TRA2A: variants seen among roughly 807,000 people sequenced by gnomAD.
TRA2A encodes the protein transformer 2 alpha homolog.
In TRA2A, 31 loss-of-function variants were observed where a neutral mutation model predicts 45.7. That is an observed-to-expected ratio of 0.68 (90% CI 0.51 to 0.92). The LOEUF is 0.92. Ranked by LOEUF, TRA2A falls within the 40% of genes least tolerant of loss-of-function variation. The pLI is 0.00. For synonymous variants in TRA2A, 132 were observed against 126.2 expected, an observed-to-expected ratio of 1.05 and a Z score of -0.31; for missense variants, 304 against 367.5, an observed-to-expected ratio of 0.83 and a Z score of 1.41.
intron 6 of TRA2A, 103 bp from the exon 7 acceptor site, chr7:23,505,916 G>T: frequency 1.3e-6 from 1 of 756,062 alleles, no homozygotes; most frequent in Non-Finnish European, 2.1e-6. Context: ...TACCTAAGGT[G>T]ATAACTACTT....
chr7:23,525,369 C>G (rs980236551), intron 1 of TRA2A, among the ~76,000 whole-genome samples: 3 of 152,168 alleles, frequency 2.0e-5, no homozygotes, highest in Non-Finnish European at 4.4e-5. Context: ...ACTACTTGTT[C>G]TTAAAGCTGT....
chr7:23,521,891 C>T (rs1463696175), intron 1 of TRA2A, 51 bp from the exon 2 acceptor site: 1 of 1,607,178 alleles, frequency 6.2e-7, no homozygotes, highest in East Asian at 2.2e-5. Flanking sequence ...AGATGCCTAA[C>T]ACCTAACATT....
In TRA2A at chr7:23,528,077, G is replaced by A. The variant is rs546744160; in HGVS notation, c.36+3712C>T. Among the ~76,000 whole-genome samples, 12 of 152,276 alleles carry A rather than the reference G, an allele frequency of 7.9e-5. No individual in the cohort carries two copies. In the South Asian group the frequency reaches 1.9e-3, roughly 24 times the overall value. On this transcript the variant is annotated intron_variant, in intron 1 of 7. Coordinates refer to ENST00000297071, the MANE Select transcript of TRA2A (RefSeq NM_013293.5). Reference sequence around the variant, plus strand: ...ATAAGAAAGAAAGCTTTACCCTTATGTAAGGTCAATTTGATGATATATGGA... The same window carrying A: ...ATAAGAAAGAAAGCTTTACCCTTATATAAGGTCAATTTGATGATATATGGA...
chr7:23,512,544 T>C (rs13225793), intron 4 of TRA2A, among the ~76,000 whole-genome samples: 104,329 of 151,810 alleles, frequency 0.69, 37,021 homozygotes, highest in African/African-American at 0.87. Context: ...CTGTAAGCTC[T>C]GCCTCCCGGG....
At chr7:23,510,361 ACT>A (rs1789543677) in intron 4 of TRA2A, among the ~76,000 whole-genome samples, 1 of 151,998 alleles carries the variant, frequency 6.6e-6, no homozygotes, top group East Asian at 1.9e-4. Context: ...GTGGAGTCTC[ACT>A]CTGTTGCCCA....
At chr7:23,522,556 TAAA>T (rs35027244) in intron 1 of TRA2A, 33 of 134,498 alleles carry the variant, frequency 2.5e-4, no homozygotes, top group Non-Finnish European at 3.9e-4. Context: ...CTAGTTTATT[TAAA>T]AAAAAAAAAA....
chr7:23,507,295 G>C (rs1238837024), intron 5 of TRA2A, 125 bp downstream of exon 5: 14 of 719,470 alleles, frequency 1.9e-5, no homozygotes, highest in Non-Finnish European at 2.8e-5. Flanking sequence ...TAGAAGCAGG[G>C]TTTTGCCATG....
At chr7:23,531,216 G>GC in intron 1 of TRA2A, 1 of 987,176 alleles carries the variant, frequency 1.0e-6, no homozygotes, top group South Asian at 4.6e-5. Flanking sequence ...CAACCTCAAG[G>GC]CTTTCGCCTT....
chr7:23,519,064 T>C (rs1373210916), intron 2 of TRA2A, among the ~76,000 whole-genome samples: 1 of 152,164 alleles, frequency 6.6e-6, no homozygotes, highest in African/African-American at 2.4e-5. Flanking sequence ...GTTGCTCTAA[T>C]TCCCAGTTGC....
intron 2 of TRA2A, among the ~76,000 whole-genome samples, chr7:23,520,916 C>T (rs1398257161): frequency 6.6e-6 from 1 of 152,086 alleles, no homozygotes; most frequent in Non-Finnish European, 1.5e-5. Context: ...TGGTCTAAAA[C>T]TCCTGACCTC....
chr7:23,512,235 C>T (rs1789656284), intron 4 of TRA2A, among the ~76,000 whole-genome samples: 1 of 152,160 alleles, frequency 6.6e-6, no homozygotes, highest in Admixed American at 6.5e-5. Context: ...TGTATGATGG[C>T]TCATGCCTGT....
chr7:23,520,788 G>A (rs1047740577), intron 2 of TRA2A, among the ~76,000 whole-genome samples: 9 of 151,058 alleles, frequency 6.0e-5, no homozygotes, highest in Middle Eastern at 6.8e-3. Context: ...CGCCTCCTGG[G>A]TTCAAGCGAT....
chr7:23,530,832 C>T (rs190502309), intron 1 of TRA2A, among the ~76,000 whole-genome samples: 12 of 151,918 alleles, frequency 7.9e-5, no homozygotes, highest in Non-Finnish European at 1.5e-4. Flanking sequence ...AGTTACAGAA[C>T]AGTATATACT....
chr7:23,511,391 AAAAAAAAAAAAAAAAAAAAG>A (rs1789604260), intron 4 of TRA2A, among the ~76,000 whole-genome samples: 3 of 43,592 alleles, frequency 6.9e-5, no homozygotes, highest in South Asian at 8.1e-4. Flanking sequence ...AAAAAAAAAA[AAAAAAAAAAAAAAAAAAAAG>A]AAAAGAAAAG....
intron 4 of TRA2A, among the ~76,000 whole-genome samples, chr7:23,511,517 C>T (rs1789620500): frequency 6.8e-6 from 1 of 147,228 alleles, no homozygotes; most frequent in African/African-American, 2.5e-5. Flanking sequence ...TCTAACAAAA[C>T]TAAAAGTATT....
At chr7:23,508,142 A>G (rs919670379) in intron 4 of TRA2A, among the ~76,000 whole-genome samples, 1 of 152,158 alleles carries the variant, frequency 6.6e-6, no homozygotes, top group African/African-American at 2.4e-5. Flanking sequence ...GACAAGAACA[A>G]ATTTATCGTA....
intron 5 of TRA2A, 136 bp downstream of exon 5, chr7:23,507,284 G>C (rs1330496902): frequency 7.7e-6 from 5 of 647,422 alleles, no homozygotes; most frequent in African/African-American, 7.3e-5. Flanking sequence ...TTTTTTTTTA[G>C]TAGAAGCAGG....
chr7:23,529,452 G>GTT (rs1297744428), intron 1 of TRA2A, among the ~76,000 whole-genome samples: 2 of 152,010 alleles, frequency 1.3e-5, no homozygotes, highest in African/African-American at 2.4e-5. Context: ...TAGAGACAGG[G>GTT]TTTCACCACG....
At chr7:23,513,341 A>C (rs1385783000) in intron 3 of TRA2A, among the ~76,000 whole-genome samples, 1 of 152,126 alleles carries the variant, frequency 6.6e-6, no homozygotes, top group Non-Finnish European at 1.5e-5. Flanking sequence ...CAATGTTCAT[A>C]ATGTATCCTG....
Sources: allele counts gnomAD v4.1 joint callset (sites outside exome capture counted in the v4.1 genomes callset), GRCh38; gene constraint gnomAD v4.1.1; transcripts MANE v1.5; gene names NCBI Gene and HGNC (gene_info 2026-07-23, HGNC 2026-07-21).